Variants in MAGI1 observed in about 807,000 individuals in gnomAD.
The protein encoded by MAGI1 is membrane-associated guanylate kinase, WW and PDZ domain-containing protein 1.
Under a neutral mutation model 139.9 loss-of-function variants are expected in MAGI1, and 58 were observed. The ratio of observed to expected loss-of-function variants is 0.41; its 90% CI spans 0.34 to 0.52. The LOEUF (loss-of-function observed/expected upper bound fraction) is 0.52, where lower values mean the gene tolerates loss of function less well. Ranked by LOEUF, MAGI1 falls within the 20% of genes least tolerant of loss-of-function variation. MAGI1 has a pLI of 0.12. For missense variants in MAGI1, 1,874 were observed against 1,901.6 expected, an observed-to-expected ratio of 0.99 and a Z score of 0.27; for synonymous variants, 812 against 737.9, an observed-to-expected ratio of 1.10 and a Z score of -1.63.
At chr3:65,680,796 A>ATGATATGATAT (rs879937958) in intron 1 of MAGI1, among the ~76,000 whole-genome samples, 1 of 83,516 alleles carries the variant, frequency 1.2e-5, no homozygotes, top group Non-Finnish European at 2.2e-5. Flanking sequence ...ATGATATGAT[A>ATGATATGATAT]TACTTTAATA....
chr3:65,922,695 T>A (rs2062268270), intron 1 of MAGI1, among the ~76,000 whole-genome samples: 1 of 152,192 alleles, frequency 6.6e-6, no homozygotes, highest in Non-Finnish European at 1.5e-5. Flanking sequence ...AGGGAAATGA[T>A]GACACCTGAG....
intron 1 of MAGI1, among the ~76,000 whole-genome samples, chr3:65,959,130 A>C (rs996338578): frequency 1.3e-5 from 2 of 152,206 alleles, no homozygotes; most frequent in Non-Finnish European, 2.9e-5. Context: ...GTCACTCCAA[A>C]AGATACAAAT....
At chr3:65,845,587 G>GT (rs1048241059) in intron 1 of MAGI1, among the ~76,000 whole-genome samples, 6 of 152,272 alleles carry the variant, frequency 3.9e-5, no homozygotes, top group African/African-American at 1.4e-4. Flanking sequence ...ACCAATTTTA[G>GT]TTTCCAGCCG....
At position 65,708,886 on chromosome 3, in the gene MAGI1, G is replaced by A. The variant is rs569225120; in HGVS notation, c.314-86798C>T. Among the ~76,000 whole-genome samples, 4 of 152,028 alleles carry A rather than the reference G, an allele frequency of 2.6e-5. No individual in the cohort carries two copies. In the East Asian group the frequency reaches 5.8e-4, roughly 22 times the overall value. On this transcript the variant is annotated intron_variant, in intron 1 of 22. Coordinates refer to ENST00000402939, the MANE Select transcript of MAGI1 (RefSeq NM_001033057.2). ...ATGAACATGAGGAGAAAGGAGAAAC[G>A]GTAAATCCACCCAAGCAGGAAGGAG...
intron 2 of MAGI1, among the ~76,000 whole-genome samples, chr3:65,603,593 C>A (rs2082584288): frequency 6.6e-6 from 1 of 152,132 alleles, no homozygotes; most frequent in South Asian, 2.1e-4. Flanking sequence ...AGGTAAAATC[C>A]CTAAGAAACT....
chr3:66,009,698 T>TA (rs1362246537), intron 1 of MAGI1, among the ~76,000 whole-genome samples: 5 of 152,102 alleles, frequency 3.3e-5, no homozygotes, highest in Admixed American at 3.3e-4. Context: ...AGGTGTTCAA[T>TA]AAAAAATGTA....
chr3:65,883,270 T>C (rs1174416063), intron 1 of MAGI1, among the ~76,000 whole-genome samples: 1 of 152,220 alleles, frequency 6.6e-6, no homozygotes, highest in African/African-American at 2.4e-5. Flanking sequence ...TTATTGAAGT[T>C]GGATTTTGTG....
At chr3:65,774,718 T>A (rs531361217) in intron 1 of MAGI1, among the ~76,000 whole-genome samples, 73 of 152,114 alleles carry the variant, frequency 4.8e-4, no homozygotes, top group Non-Finnish European at 9.0e-4. Flanking sequence ...ACATGGAACA[T>A]ATAGATCACA....
intron 1 of MAGI1, among the ~76,000 whole-genome samples, chr3:65,862,580 T>G (rs368719151): frequency 5.3e-5 from 8 of 152,188 alleles, no homozygotes; most frequent in African/African-American, 1.9e-4. Context: ...GGTGGGACCA[T>G]GTAACTGGGT....
chr3:65,462,386 C>T (rs974237951), intron 5 of MAGI1, among the ~76,000 whole-genome samples: 10 of 152,104 alleles, frequency 6.6e-5, no homozygotes, highest in Admixed American at 5.9e-4. Context: ...ATCCTTTCCC[C>T]ATTGCTTGTT....
At chr3:65,629,376 G>A (rs2084158119) in intron 1 of MAGI1, among the ~76,000 whole-genome samples, 1 of 152,134 alleles carries the variant, frequency 6.6e-6, no homozygotes, top group Non-Finnish European at 1.5e-5. Flanking sequence ...AATTAGAATT[G>A]ACACTTTAAT....
In MAGI1 at chr3:65,860,995, G is replaced by A. The variant is rs572775056; in HGVS notation, c.313+177001C>T. Among the ~76,000 whole-genome samples, 8 of 152,200 alleles carry A rather than the reference G, an allele frequency of 5.3e-5. No individual in the cohort carries two copies. In the East Asian group the frequency reaches 9.7e-4, roughly 18 times the overall value. On this transcript the variant is annotated intron_variant, in intron 1 of 22. Coordinates refer to ENST00000402939, the MANE Select transcript of MAGI1 (RefSeq NM_001033057.2). ...CTAGGGTAACAGAGAATTCAAATAA[G>A]AAGGGCATAGGTTGTTCTTTAAGGA...
Position 65,357,248 on chromosome 3 carries a change from C to A in MAGI1, c.3635-116G>T, listed in dbSNP as rs1575588893. ...CACAACAAGCAAACAACTGTTAAAG[C>A]AGTCAGACTCAAAGCCAACTGAATC... is the stretch of plus-strand genomic sequence containing the variant. On this transcript the variant is annotated intron_variant, in intron 22 of 22. Coordinates refer to ENST00000402939, the MANE Select transcript of MAGI1 (RefSeq NM_001033057.2). The A allele has an allele frequency of 8.4e-6, 9 of 1,074,076 alleles. No homozygotes were observed. In the Admixed American group the frequency reaches 2.5e-4, roughly 30 times the overall value. 66.5% of individuals were successfully genotyped at this position (1,074,076 alleles called of 1,614,324 possible). A position where few individuals can be genotyped will look rare whatever the true frequency, so the allele number is the denominator to read the frequency against.
At chr3:65,497,083 G>T (rs7615200) in intron 2 of MAGI1, among the ~76,000 whole-genome samples, 1 of 151,994 alleles carries the variant, frequency 6.6e-6, no homozygotes, top group African/African-American at 2.4e-5. Flanking sequence ...AGACACCTAC[G>T]AGCAGAGAGT....
intron 1 of MAGI1, among the ~76,000 whole-genome samples, chr3:65,980,282 G>T (rs2065499313): frequency 6.6e-6 from 1 of 152,174 alleles, no homozygotes; most frequent in Non-Finnish European, 1.5e-5. Flanking sequence ...ACAGGTAATG[G>T]CTGGGTGTGG....
chr3:65,671,951 T>C (rs764848012), intron 1 of MAGI1, among the ~76,000 whole-genome samples: 5 of 152,160 alleles, frequency 3.3e-5, no homozygotes, highest in Non-Finnish European at 5.9e-5. Flanking sequence ...CAGTTCACCA[T>C]AGATACAAAA....
intron 1 of MAGI1, among the ~76,000 whole-genome samples, chr3:65,681,433 T>G (rs1246243486): frequency 6.6e-6 from 1 of 152,212 alleles, no homozygotes; most frequent in Non-Finnish European, 1.5e-5. Flanking sequence ...GAACGTGAGT[T>G]ATATCATTTT....
chr3:65,675,624 A>G (rs796608153), intron 1 of MAGI1, among the ~76,000 whole-genome samples: 1 of 152,330 alleles, frequency 6.6e-6, no homozygotes, highest in African/African-American at 2.4e-5. Flanking sequence ...TCTTAATTCA[A>G]AAATTCAAGG....
Position 65,375,274 on chromosome 3 carries a change from C to T in MAGI1, c.3196+471G>A, listed in dbSNP as rs370824130. Among the ~76,000 whole-genome samples, 95 of 151,748 alleles carry T rather than the reference C, an allele frequency of 6.3e-4. 1 individual carries two copies. Among genetic ancestry groups the T allele is most frequent in the Admixed American group, 3.9e-4 (6 of 15,264 alleles). ...TGCGATCTCAGCTCACTGCAAGCTC[C>T]GCCTCCCGGGTTCACACCATCCTCC... On this transcript the variant is annotated intron_variant, in intron 18 of 22. Coordinates refer to ENST00000402939, the MANE Select transcript of MAGI1 (RefSeq NM_001033057.2).
Sources: allele counts gnomAD v4.1 joint callset (sites outside exome capture counted in the v4.1 genomes callset), GRCh38; gene constraint gnomAD v4.1.1; transcripts MANE v1.5; gene names NCBI Gene and HGNC (gene_info 2026-07-23, HGNC 2026-07-21).